CRB1: variants seen among roughly 807,000 people sequenced by gnomAD.
CRB1 encodes the protein protein crumbs homolog 1.
In CRB1, 83 loss-of-function variants were observed where a neutral mutation model predicts 120.0. The observed-to-expected ratio is 0.69, with a 90% CI of 0.58 to 0.83. The LOEUF (loss-of-function observed/expected upper bound fraction) is 0.83, where lower values mean the gene tolerates loss of function less well. Ranked by LOEUF, CRB1 falls within the 40% of genes least tolerant of loss-of-function variation. The pLI is 0.00. For synonymous variants in CRB1, 625 were observed against 612.5 expected (o/e 1.02, Z -0.30); for missense variants, 1,699 against 1,687.6 (o/e 1.01, Z -0.12).
At chr1:197,339,973 A>G (rs1659359709) in intron 2 of CRB1, among the ~76,000 whole-genome samples, 1 of 152,204 alleles carries the variant, frequency 6.6e-6, no homozygotes, top group African/African-American at 2.4e-5. Flanking sequence ...CATGCATTCA[A>G]CATTTATTGA....
chr1:197,430,303 G>A (rs944246619), intron 8 of CRB1, among the ~76,000 whole-genome samples: 7 of 151,982 alleles, frequency 4.6e-5, no homozygotes, highest in African/African-American at 1.5e-4. Flanking sequence ...CCAGTTAATA[G>A]CCAACCCTCT....
intron 11 of CRB1, among the ~76,000 whole-genome samples, chr1:197,476,362 T>TG (rs1667195396): frequency 1.9e-4 from 26 of 140,380 alleles, no homozygotes; most frequent in African/African-American, 6.4e-4. Context: ...TTATGATTAT[T>TG]TGTGTGTGTG....
chr1:197,377,508 T>A (rs1157443464), intron 5 of CRB1, among the ~76,000 whole-genome samples: 7 of 152,216 alleles, frequency 4.6e-5, no homozygotes. Flanking sequence ...GATTCTTTCA[T>A]TCTCCTAATC....
intron 4 of CRB1, among the ~76,000 whole-genome samples, chr1:197,350,235 T>A (rs920615183): frequency 6.8e-6 from 1 of 146,264 alleles, no homozygotes; most frequent in African/African-American, 2.4e-5. Context: ...GAGTAGGATA[T>A]GTTTCCTGTT....
At chr1:197,312,504 C>T (rs913182065) in intron 1 of CRB1, among the ~76,000 whole-genome samples, 2 of 152,206 alleles carry the variant, frequency 1.3e-5, no homozygotes, top group Admixed American at 1.3e-4. Context: ...ACTGCCTGAA[C>T]CCAGGATGGG....
intron 1 of CRB1, among the ~76,000 whole-genome samples, chr1:197,309,024 T>A (rs1386798971): frequency 6.6e-6 from 1 of 151,328 alleles, no homozygotes; most frequent in African/African-American, 2.4e-5. Flanking sequence ...TATATGTATA[T>A]ACACAAACGT....
Position 197,407,190 on chromosome 1 carries a change from G to A in CRB1, c.1172-13810G>A, listed in dbSNP as rs200866936. On this transcript the variant is annotated intron_variant, in intron 5 of 11. Transcript: ENST00000367400. ...ATGGTTAAAGCAAAGACAAAATATG[G>A]AGGAAAATTTCTTGTTGCATATTTA... Among the ~76,000 whole-genome samples the A allele has an allele frequency of 1.8e-4, 27 of 152,270 alleles. No individual in the cohort carries two copies. In the East Asian group the frequency reaches 4.8e-3, roughly 27 times the overall value.
intron 3 of CRB1, among the ~76,000 whole-genome samples, chr1:197,347,096 T>G (rs964997656): frequency 2.6e-5 from 4 of 152,198 alleles, no homozygotes; most frequent in African/African-American, 9.7e-5. Flanking sequence ...AATTTATGAA[T>G]GAAGAAACTG....
intron 5 of CRB1, among the ~76,000 whole-genome samples, chr1:197,372,827 G>C (rs1661443158): frequency 6.6e-6 from 1 of 152,130 alleles, no homozygotes; most frequent in Admixed American, 6.5e-5. Flanking sequence ...TGTCAGCTAT[G>C]GTGAAGTAGT....
intron 11 of CRB1, among the ~76,000 whole-genome samples, chr1:197,458,090 G>A (rs1666363369): frequency 6.6e-6 from 1 of 152,018 alleles, no homozygotes; most frequent in Admixed American, 6.6e-5. Context: ...ACCGAACGAG[G>A]GTTATAGACA....
At chr1:197,446,114 C>T (rs371525348) in intron 11 of CRB1, among the ~76,000 whole-genome samples, 2 of 151,282 alleles carry the variant, frequency 1.3e-5, no homozygotes, top group Non-Finnish European at 2.9e-5. Flanking sequence ...CACTTTAACC[C>T]GGGAGGTGGA....
At chr1:197,326,165 A>G (rs1353984276) in intron 1 of CRB1, among the ~76,000 whole-genome samples, 1 of 152,218 alleles carries the variant, frequency 6.6e-6, no homozygotes, top group Non-Finnish European at 1.5e-5. Context: ...TATGGCTTTG[A>G]CAGTTAATAC....
chr1:197,314,762 A>G (rs1657747167), intron 1 of CRB1, among the ~76,000 whole-genome samples: 1 of 152,094 alleles, frequency 6.6e-6, no homozygotes, highest in South Asian at 2.1e-4. Flanking sequence ...CTGGTTTCTC[A>G]ATGCTTGAGA....
intron 1 of CRB1, among the ~76,000 whole-genome samples, chr1:197,311,498 A>G (rs1657516825): frequency 6.6e-6 from 1 of 152,140 alleles, no homozygotes; most frequent in African/African-American, 2.4e-5. Context: ...TATACAAAAT[A>G]TTTCTTGTAT....
chr1:197,328,718 G>C lies in CRB1; in HGVS notation c.367G>C (p.Gly123Arg). 6.2e-7 allele frequency: 1 copy of C among 1,612,566 alleles called. No homozygotes were observed. Among genetic ancestry groups the C allele is most frequent in the African/African-American group, 1.3e-5 (1 of 74,988 alleles). ...TGGCAAGAACTCCTGCCAACATGGA[G>C]GTATTTGCCATCAGGACCCTATTTA... Reference protein sequence around the residue: ...SCGKNSCQHGGICHQDPIYPV... With the variant: ...SCGKNSCQHGRICHQDPIYPV... The change falls in exon 2 of 12, where the codon GGT becomes CGT. Residue 123 changes from glycine to arginine, a missense_variant. By Grantham distance (125) the Gly-to-Arg change is moderately radical. Coordinates refer to ENST00000367400, the MANE Select transcript of CRB1 (RefSeq NM_201253.3).
chr1:197,368,740 A>G lies in CRB1; in HGVS notation c.1171+11727A>G, dbSNP rs552468291. Among the ~76,000 whole-genome samples, 4 of 152,330 alleles carry G rather than the reference A, an allele frequency of 2.6e-5. No homozygotes were observed. In the South Asian group the frequency reaches 6.2e-4, roughly 24 times the overall value. On this transcript the variant is annotated intron_variant, in intron 5 of 11. Transcript: ENST00000367400. ...ACTTGTAATCACACAAGTAAGGGAA[A>G]AGCTCTCAAATGAATAATCAGCAGA... is the stretch of plus-strand genomic sequence containing the variant.
intron 5 of CRB1, among the ~76,000 whole-genome samples, chr1:197,418,021 C>T (rs141479699): frequency 2.4e-4 from 36 of 151,580 alleles, no homozygotes; most frequent in African/African-American, 8.2e-4. Context: ...AATAGTGAGC[C>T]GAAAAGTCCT....
At chr1:197,366,413 C>G (rs924102398) in intron 5 of CRB1, among the ~76,000 whole-genome samples, 2 of 152,070 alleles carry the variant, frequency 1.3e-5, no homozygotes, top group Non-Finnish European at 2.9e-5. Context: ...AGAACCTTTC[C>G]AAGTGTTAAA....
rs199782815 is a variant in CRB1, at chr1:197,331,771, T to TA, written c.652+2776dup. ...GTATTGTGTAATAGTCTTATATTTGTAAAAAAAACACAGCTTGCAAAACTA... is the reference window on the plus strand; with the variant it reads ...GTATTGTGTAATAGTCTTATATTTGTAAAAAAAAACACAGCTTGCAAAACTA... On this transcript the variant is annotated intron_variant, in intron 2 of 11. Transcript: ENST00000367400. 1.8e-3 allele frequency among the ~76,000 whole-genome samples: 274 copies of TA among 152,112 alleles called. 3 individuals are homozygous for TA. In the East Asian group the frequency reaches 0.028, roughly 15 times the overall value.
Sources: allele counts gnomAD v4.1 joint callset (sites outside exome capture counted in the v4.1 genomes callset), GRCh38; gene constraint gnomAD v4.1.1; transcripts MANE v1.5; gene names NCBI Gene and HGNC (gene_info 2026-07-23, HGNC 2026-07-21).